TSPAN5: variants seen among roughly 807,000 people sequenced by gnomAD.
TSPAN5 encodes the protein tetraspanin 5.
A neutral mutation model predicts 37.1 loss-of-function variants in TSPAN5; 10 were observed. The observed-to-expected ratio is 0.27, with a 90% confidence interval of 0.17 to 0.46. The LOEUF (loss-of-function observed/expected upper bound fraction) is 0.46, where lower values mean the gene tolerates loss of function less well. TSPAN5 is among the 20% of genes least tolerant of loss of function. The pLI, the probability that TSPAN5 is intolerant of heterozygous loss-of-function variation, is 1.00. For missense variants in TSPAN5, 195 were observed against 326.6 expected (o/e 0.60, Z 3.11); for synonymous variants, 110 against 118.9 (o/e 0.93, Z 0.48).
intron 1 of TSPAN5, among the ~76,000 whole-genome samples, chr4:98,522,706 C>T (rs1753881179): frequency 6.6e-6 from 1 of 152,176 alleles, no homozygotes; most frequent in Non-Finnish European, 1.5e-5. Context: ...GACAAATAAC[C>T]TCCACATAAA....
chr4:98,657,295 G>A (rs1169340641), intron 1 of TSPAN5, among the ~76,000 whole-genome samples: 4 of 152,100 alleles, frequency 2.6e-5, no homozygotes, highest in Non-Finnish European at 5.9e-5. Context: ...AGCATCATTT[G>A]AATCTTGTGT....
chr4:98,489,099 A>G (rs1355010240), intron 2 of TSPAN5, among the ~76,000 whole-genome samples: 1 of 152,144 alleles, frequency 6.6e-6, no homozygotes, highest in Non-Finnish European at 1.5e-5. Context: ...ATTATGGGAG[A>G]AGAAGACACA....
chr4:98,630,670 G>A (rs976433659), intron 1 of TSPAN5, among the ~76,000 whole-genome samples: 4 of 152,176 alleles, frequency 2.6e-5, no homozygotes, highest in African/African-American at 9.7e-5. Context: ...CAGGAGAAAG[G>A]AGTGCCCCTG....
At chr4:98,477,662 C>CT (rs61539900) in intron 5 of TSPAN5, among the ~76,000 whole-genome samples, 252 of 141,256 alleles carry the variant, frequency 1.8e-3, no homozygotes, top group East Asian at 3.7e-3. Context: ...AGAGAGTTAC[C>CT]TTTTTTTTTT....
At position 98,630,557 on chromosome 4, in the gene TSPAN5, T is replaced by G. The variant is rs74912490; in HGVS notation, c.81+27589A>C. Among the ~76,000 whole-genome samples the G allele has an allele frequency of 8.5e-3, 1,288 of 152,286 alleles. 12 individuals carry two copies. The highest frequency in any genetic ancestry group is 0.022 in the African/African-American group (910 of 41,564). ...ATCCCTGGATTGAATGAAGATGACT[T>G]AGCAAAGGGAGGGATTCTCTCAACC... On this transcript the variant is annotated intron_variant, in intron 1 of 7. Transcript: ENST00000305798.
At chr4:98,529,034 A>G (rs1267692174) in intron 1 of TSPAN5, among the ~76,000 whole-genome samples, 1 of 148,362 alleles carries the variant, frequency 6.7e-6, no homozygotes, top group Admixed American at 6.8e-5. Context: ...CAGGATGCAA[A>G]ACAAGGAAGC....
At chr4:98,565,472 C>G (rs1276424397) in intron 1 of TSPAN5, among the ~76,000 whole-genome samples, 1 of 152,078 alleles carries the variant, frequency 6.6e-6, no homozygotes, top group East Asian at 1.9e-4. Flanking sequence ...CACAGTAGAC[C>G]ACGCATTTAC....
At chr4:98,609,945 C>T (rs1309629367) in intron 1 of TSPAN5, among the ~76,000 whole-genome samples, 1 of 152,140 alleles carries the variant, frequency 6.6e-6, no homozygotes, top group African/African-American at 2.4e-5. Flanking sequence ...TTGCCTCTTT[C>T]AAGCAGGAGG....
At chr4:98,605,797 A>C (rs1386418749) in intron 1 of TSPAN5, among the ~76,000 whole-genome samples, 2 of 152,148 alleles carry the variant, frequency 1.3e-5, no homozygotes, top group Non-Finnish European at 2.9e-5. Context: ...TGTTTTTGAT[A>C]CTATATCTTA....
chr4:98,602,394 T>C (rs1035270793), intron 1 of TSPAN5, among the ~76,000 whole-genome samples: 2 of 152,268 alleles, frequency 1.3e-5, no homozygotes, highest in African/African-American at 2.4e-5. Flanking sequence ...ACGATCACTA[T>C]TGGTCTGATA....
intron 1 of TSPAN5, among the ~76,000 whole-genome samples, chr4:98,585,169 T>C (rs1755458639): frequency 6.6e-6 from 1 of 152,188 alleles, no homozygotes; most frequent in Non-Finnish European, 1.5e-5. Context: ...AAGTGCATAT[T>C]TTCTGGTGTG....
At chr4:98,478,884 C>T (rs1250573843) in intron 4 of TSPAN5, 74 bp from the exon 5 acceptor site, 13 of 1,565,484 alleles carry the variant, frequency 8.3e-6, no homozygotes, top group East Asian at 2.3e-5. Context: ...ACCCGCCGAA[C>T]GACACCAGCT....
Position 98,471,007 on chromosome 4 carries a change from G to T in TSPAN5, c.*1515C>A, listed in dbSNP as rs2110248413. The T allele has an allele frequency of 6.6e-6, 1 of 152,272 alleles. No homozygotes were observed. The highest frequency in any genetic ancestry group is 1.5e-5 in the Non-Finnish European group (1 of 68,028). The allele number at this position is 152,272 out of a possible 1,614,324, so 9.4% of individuals were successfully genotyped here. A position where few individuals can be genotyped will look rare whatever the true frequency, so the allele number is the denominator to read the frequency against. The stretch of plus-strand genomic sequence containing the variant: ...GGCAACATCCGGTGGACACCAGCTG[G>T]ATTAAAATCTAGAGGGCAAAACTCG... On this transcript the variant is annotated 3_prime_UTR_variant, in exon 8 of 8. Transcript: ENST00000305798.
intron 1 of TSPAN5, among the ~76,000 whole-genome samples, chr4:98,546,212 C>T (rs778912022): frequency 8.5e-5 from 13 of 152,204 alleles, no homozygotes; most frequent in Non-Finnish European, 1.8e-4. Flanking sequence ...CAAGCATATT[C>T]TAACTAGAAC....
intron 1 of TSPAN5, among the ~76,000 whole-genome samples, chr4:98,645,884 A>T (rs1447567513): frequency 6.6e-6 from 1 of 152,172 alleles, no homozygotes. Context: ...TTTTACTAAT[A>T]AAAACTACAG....
At chr4:98,646,006 C>T (rs531800788) in intron 1 of TSPAN5, among the ~76,000 whole-genome samples, 5 of 152,064 alleles carry the variant, frequency 3.3e-5, no homozygotes, top group Admixed American at 6.5e-5. Flanking sequence ...TAATTTAGCA[C>T]GCCCTGGCCT....
chr4:98,547,835 C>A (rs896675696), intron 1 of TSPAN5, among the ~76,000 whole-genome samples: 4 of 151,584 alleles, frequency 2.6e-5, no homozygotes, highest in Non-Finnish European at 5.9e-5. Context: ...GGTGAAACCC[C>A]GTCTCTACTA....
intron 2 of TSPAN5, 140 bp downstream of exon 2, chr4:98,507,535 CATT>C: frequency 1.8e-6 from 1 of 544,628 alleles, no homozygotes; most frequent in Non-Finnish European, 3.1e-6. Context: ...GAGAGTATGA[CATT>C]AATCTTCCAC....
At chr4:98,510,963 A>G (rs1041716780) in intron 1 of TSPAN5, among the ~76,000 whole-genome samples, 3 of 152,216 alleles carry the variant, frequency 2.0e-5, no homozygotes, top group Non-Finnish European at 2.9e-5. Context: ...GGCATGCAAT[A>G]CTTGAGGCAC....
Sources: allele counts gnomAD v4.1 joint callset (sites outside exome capture counted in the v4.1 genomes callset), GRCh38; gene constraint gnomAD v4.1.1; transcripts MANE v1.5; gene names NCBI Gene and HGNC (gene_info 2026-07-23, HGNC 2026-07-21).